Variants in SNX27 observed in about 807,000 individuals in gnomAD.
SNX27 encodes sorting nexin-27.
SNX27 carries 22 observed loss-of-function variants against 71.6 expected under a neutral mutation model. The ratio of observed to expected loss-of-function variants is 0.31; its 90% CI spans 0.22 to 0.44. The LOEUF is 0.44. SNX27 is among the 20% of genes least tolerant of loss of function. The pLI is 1.00. For missense variants in SNX27, 531 were observed against 698.6 expected (o/e 0.76, Z 2.70); for synonymous variants, 269 against 277.2 (o/e 0.97, Z 0.29).
intron 2 of SNX27, among the ~76,000 whole-genome samples, chr1:151,649,086 C>A (rs190886238): frequency 1.4e-4 from 22 of 151,756 alleles, no homozygotes; most frequent in African/African-American, 5.3e-4. Flanking sequence ...CTCAGCCTCC[C>A]GAGTAGCTGG....
chr1:151,656,634 T>C (rs1395676231), intron 2 of SNX27, among the ~76,000 whole-genome samples: 1 of 152,228 alleles, frequency 6.6e-6, no homozygotes, highest in African/African-American at 2.4e-5. Context: ...AAGAATATCT[T>C]TTGCATGTAC....
At chr1:151,619,702 T>A (rs2102595391) in intron 1 of SNX27, among the ~76,000 whole-genome samples, 1 of 152,296 alleles carries the variant, frequency 6.6e-6, no homozygotes, top group East Asian at 1.9e-4. Flanking sequence ...CTCATTAGGT[T>A]GTGATCCACT....
At chr1:151,676,370 A>ATATTTT in intron 7 of SNX27, 1 of 126,728 alleles carries the variant, frequency 7.9e-6, no homozygotes, top group Non-Finnish European at 1.6e-5. Flanking sequence ...CAGTGGCACA[A>ATATTTT]TCTCGGCTCA....
chr1:151,613,199 C>G (rs1667271920), intron 1 of SNX27: 1 of 152,096 alleles, frequency 6.6e-6, no homozygotes, highest in Non-Finnish European at 1.5e-5. Context: ...ACCTTGCTTT[C>G]TGACCCTTGC....
intron 7 of SNX27, chr1:151,669,457 C>G (rs1404142943): frequency 6.6e-6 from 1 of 152,196 alleles, no homozygotes; most frequent in African/African-American, 2.4e-5. Flanking sequence ...TAGCTCCATA[C>G]TCTTCACCAG....
chr1:151,663,626 A>G (rs1460690309), intron 5 of SNX27, among the ~76,000 whole-genome samples: 1 of 151,778 alleles, frequency 6.6e-6, no homozygotes, highest in Non-Finnish European at 1.5e-5. Flanking sequence ...CTGTGTCTCT[A>G]TATTTTCTAT....
At chr1:151,641,627 A>ATATATATATATG (rs1254918416) in intron 2 of SNX27, among the ~76,000 whole-genome samples, 3 of 120,966 alleles carry the variant, frequency 2.5e-5, no homozygotes, top group Non-Finnish European at 5.2e-5. Context: ...ATATATATAT[A>ATATATATATATG]TATCATATGT....
At chr1:151,659,285 T>A (rs1296517213) in intron 3 of SNX27, among the ~76,000 whole-genome samples, 1 of 152,070 alleles carries the variant, frequency 6.6e-6, no homozygotes, top group Admixed American at 6.6e-5. Context: ...TCTCTCTCTG[T>A]TGCCCAGGCT....
At position 151,612,546 on chromosome 1, in the gene SNX27, C is replaced by T. The variant is rs1667224428; in HGVS notation, c.311+34C>T. 2 of 1,311,942 alleles carry T rather than the reference C, an allele frequency of 1.5e-6. No homozygotes were observed. Among genetic ancestry groups the T allele is most frequent in the Non-Finnish European group, 2.0e-6 (2 of 1,024,562 alleles). The allele number at this position is 1,311,942 out of a possible 1,614,324, so 81.3% of individuals were successfully genotyped here. A position where few individuals can be genotyped will look rare whatever the true frequency, so the allele number is the denominator to read the frequency against. On this transcript the variant is annotated intron_variant, in intron 1 of 11. Coordinates refer to ENST00000458013, the MANE Select transcript of SNX27 (RefSeq NM_001330723.2). This position sits in a 1 kb window ranked among gnomAD's most constrained non-coding sequence, Gnocchi z 5.2. ...CGGGGCTACCCGCCGCCCCATCCTC[C>T]CCGCGCCCCTCCTGCCCCTGCACTC...
chr1:151,657,770 G>C (rs1311021428), intron 2 of SNX27, among the ~76,000 whole-genome samples: 1 of 152,078 alleles, frequency 6.6e-6, no homozygotes, highest in African/African-American at 2.4e-5. Context: ...GTGGTTCAAG[G>C]TGGGTGGATC....
At chr1:151,638,690 T>G (rs972708637) in intron 1 of SNX27, among the ~76,000 whole-genome samples, 198 bp from the exon 2 acceptor site, 1 of 152,158 alleles carries the variant, frequency 6.6e-6, no homozygotes, top group African/African-American at 2.4e-5. Flanking sequence ...CTCTTTCCAT[T>G]TTTCCCCCCG....
At chr1:151,642,054 T>C (rs1047584697) in intron 2 of SNX27, among the ~76,000 whole-genome samples, 3 of 149,556 alleles carry the variant, frequency 2.0e-5, no homozygotes, top group Admixed American at 6.7e-5. Context: ...ATATATGATA[T>C]ATTTTCCAGT....
At chr1:151,676,373 T>TTTTGAATA in intron 7 of SNX27, 1 of 131,174 alleles carries the variant, frequency 7.6e-6, no homozygotes, top group Non-Finnish European at 1.6e-5. Flanking sequence ...TGGCACAATC[T>TTTTGAATA]CGGCTCACTG....
chr1:151,654,877 A>G (rs1034317741), intron 2 of SNX27, among the ~76,000 whole-genome samples: 1 of 152,108 alleles, frequency 6.6e-6, no homozygotes, highest in Non-Finnish European at 1.5e-5. Flanking sequence ...TTCTTAATAC[A>G]CTTCGTAATC....
intron 7 of SNX27, chr1:151,675,806 C>CTTT (rs1558068566): frequency 1.0e-4 from 4 of 39,606 alleles, no homozygotes; most frequent in African/African-American, 2.7e-4. Context: ...TTCTTTCTTT[C>CTTT]TTTCTTTTTT....
At chr1:151,683,525 G>A in intron 8 of SNX27, 80 bp downstream of exon 8, 1 of 1,050,788 alleles carries the variant, frequency 9.5e-7, no homozygotes, top group Non-Finnish European at 1.4e-6. Context: ...TTTTTGAAAG[G>A]ATTACAACCT....
chr1:151,696,577 TC>T lies in SNX27; in HGVS notation c.*2161del, dbSNP rs1373087806. 1 of 150,640 alleles carries T rather than the reference TC, an allele frequency of 6.6e-6. No individual in the cohort carries two copies. The highest frequency in any genetic ancestry group is 2.0e-4 in the East Asian group (1 of 5,126). The allele number at this position is 150,640 out of a possible 1,614,324, so 9.3% of individuals were successfully genotyped here. On this transcript the variant is annotated 3_prime_UTR_variant, in exon 12 of 12. Coordinates refer to ENST00000458013, the MANE Select transcript of SNX27 (RefSeq NM_001330723.2). ...TTTCTTTTGCTTTCCTTCTTTCATCTCTTTTTTGTAATTTGTTGTTGCAAAT... is the reference window on the plus strand; with the variant it reads ...TTTCTTTTGCTTTCCTTCTTTCATCTTTTTTTGTAATTTGTTGTTGCAAAT...
In SNX27 at chr1:151,647,079, A is replaced by G. The variant is rs530756361; in HGVS notation, c.543+7960A>G. 2.7e-5 allele frequency among the ~76,000 whole-genome samples: 4 copies of G among 150,048 alleles called. No homozygotes were observed. In the East Asian group the frequency reaches 5.8e-4, roughly 22 times the overall value. On this transcript the variant is annotated intron_variant, in intron 2 of 11. Transcript: ENST00000458013. The stretch of plus-strand genomic sequence containing the variant: ...TAGGCTTCAGGATTGTCAGTTAAAT[A>G]TAATTGTTTTTGCCTGGGTCTACTG...
chr1:151,668,375 G>GAT, intron 6 of SNX27, 97 bp from the exon 7 acceptor site: 1 of 1,141,220 alleles, frequency 8.8e-7, no homozygotes, highest in East Asian at 2.5e-5. Context: ...TCTGGTTAAT[G>GAT]ATAACATACC....
Sources: gnomAD v4.1 joint callset for allele counts (sites outside exome capture counted in the v4.1 genomes callset) on GRCh38, gnomAD v4.1.1 for gene constraint, Gnocchi (gnomAD v3.1) non-coding constraint, MANE v1.5 for transcripts, NCBI Gene and HGNC (gene_info 2026-07-23, HGNC 2026-07-21) for gene names.